PRLR: variants seen among roughly 807,000 people sequenced by gnomAD.
PRLR encodes the protein prolactin receptor, also known as hPRL receptor.
In PRLR, 13 loss-of-function variants were observed where a neutral mutation model predicts 40.2. The ratio of observed to expected loss-of-function variants is 0.32; its 90% CI spans 0.21 to 0.51. The LOEUF is 0.51. Ranked by LOEUF, PRLR falls within the 20% of genes least tolerant of loss-of-function variation. The pLI is 0.97. For missense variants in PRLR, 656 were observed against 747.3 expected, an observed-to-expected ratio of 0.88 and a Z score of 1.42; for synonymous variants, 269 against 278.7, an observed-to-expected ratio of 0.97 and a Z score of 0.35.
chr5:35,209,390 A>G (rs984008688), intron 1 of PRLR, among the ~76,000 whole-genome samples: 2 of 152,306 alleles, frequency 1.3e-5, no homozygotes, highest in Admixed American at 1.3e-4. Flanking sequence ...TCACTTATCA[A>G]AGAAATGACT....
chr5:35,065,344 C>T lies in PRLR; in HGVS notation c.1614G>A (p.Gly538=). ...CATACTCCTTATTGTTCTCAGGAGT[C>T]CCGGGCTTCTTGGGCTTGCCGCTGT... ...RENSGKPKKP[G]TPENNKEYAK... The change falls in exon 10 of 10, where the codon GGG becomes GGA. Residue 538 remains glycine (G), a synonymous_variant. Transcript: ENST00000618457. 2 of 1,614,136 alleles carry T rather than the reference C, an allele frequency of 1.2e-6. No homozygotes were observed. Among genetic ancestry groups the T allele is most frequent in the South Asian group, 1.1e-5 (1 of 91,072 alleles).
At chr5:35,208,449 C>T (rs1776079903) in intron 1 of PRLR, among the ~76,000 whole-genome samples, 1 of 152,106 alleles carries the variant, frequency 6.6e-6, no homozygotes, top group African/African-American at 2.4e-5. Context: ...TGTCTATCCC[C>T]TCATTAAATT....
chr5:35,118,798 T>C (rs1409327341), intron 1 of PRLR, among the ~76,000 whole-genome samples: 1 of 151,984 alleles, frequency 6.6e-6, no homozygotes, highest in East Asian at 1.9e-4. Context: ...TGGATCTTTT[T>C]TTTTTTTGAC....
intron 1 of PRLR, among the ~76,000 whole-genome samples, chr5:35,213,212 T>C (rs1776212105): frequency 6.6e-6 from 1 of 152,180 alleles, no homozygotes; most frequent in Admixed American, 6.5e-5. Flanking sequence ...AATACCATTG[T>C]GGGAAGTTTT....
At chr5:35,166,561 A>G (rs1299425466) in intron 1 of PRLR, among the ~76,000 whole-genome samples, 1 of 152,112 alleles carries the variant, frequency 6.6e-6, no homozygotes, top group Non-Finnish European at 1.5e-5. Flanking sequence ...GAGCCTTTGG[A>G]CTGATTTTGC....
chr5:35,184,309 T>C (rs772555193), intron 1 of PRLR, among the ~76,000 whole-genome samples: 18 of 151,842 alleles, frequency 1.2e-4, no homozygotes, highest in Non-Finnish European at 2.5e-4. Context: ...AGCTCAGGAG[T>C]TTGAGACCAG....
In PRLR at chr5:35,059,088, A is replaced by G. The variant is rs1768888587; in HGVS notation, c.*6001T>C. Reference sequence around the variant, plus strand: ...AGGATTTGTGAAGTGTGCACAAAAAAACTCAGACTACATTTTGAGGTTTAT... The same window carrying G: ...AGGATTTGTGAAGTGTGCACAAAAAGACTCAGACTACATTTTGAGGTTTAT... On this transcript the variant is annotated 3_prime_UTR_variant, in exon 10 of 10. Transcript: ENST00000618457. The G allele has an allele frequency of 6.6e-6, 1 of 152,198 alleles. No homozygotes were observed. Among genetic ancestry groups the G allele is most frequent in the African/African-American group, 2.4e-5 (1 of 41,452 alleles). 9.4% of individuals were successfully genotyped at this position (152,198 alleles called of 1,614,324 possible).
intron 1 of PRLR, among the ~76,000 whole-genome samples, chr5:35,155,592 C>T (rs188072503): frequency 3.9e-5 from 6 of 152,262 alleles, no homozygotes; most frequent in African/African-American, 1.2e-4. Context: ...TGGTTCTTAA[C>T]GATACCTGGG....
At chr5:35,115,578 C>T (rs748362334) in intron 2 of PRLR, among the ~76,000 whole-genome samples, 9 of 152,070 alleles carry the variant, frequency 5.9e-5, no homozygotes, top group Non-Finnish European at 1.3e-4. Context: ...TGGCTTCTTG[C>T]AGTCTGGAGA....
chr5:35,100,287 A>G (rs1771799311), intron 2 of PRLR, among the ~76,000 whole-genome samples: 1 of 152,112 alleles, frequency 6.6e-6, no homozygotes, highest in Non-Finnish European at 1.5e-5. Context: ...ATTTAAAAAA[A>G]ATTTGGTGTA....
At chr5:35,195,602 T>G (rs965126682) in intron 1 of PRLR, 1 of 150,736 alleles carries the variant, frequency 6.6e-6, no homozygotes, top group African/African-American at 2.5e-5. Flanking sequence ...GCTGGAGCCT[T>G]CCTCATCTTT....
In PRLR at chr5:35,062,476, G is replaced by A. The variant is rs1372993280; in HGVS notation, c.*2613C>T. ...TTAGACCACAAAAAAGCTTAATTCA[G>A]ATAAACAGTGCTAATTGATCATAGA... is the stretch of plus-strand genomic sequence containing the variant. On this transcript the variant is annotated 3_prime_UTR_variant, in exon 10 of 10. Transcript: ENST00000618457. The A allele has an allele frequency of 6.6e-6, 1 of 152,158 alleles. No homozygotes were observed. Among genetic ancestry groups the A allele is most frequent in the Admixed American group, 6.5e-5 (1 of 15,272 alleles). The allele number at this position is 152,158 out of a possible 1,614,324, so 9.4% of individuals were successfully genotyped here.
chr5:35,148,171 A>G (rs757554759), intron 1 of PRLR, among the ~76,000 whole-genome samples: 5 of 152,148 alleles, frequency 3.3e-5, no homozygotes, highest in Non-Finnish European at 7.4e-5. Flanking sequence ...TTTTAAAAAA[A>G]TTGCAGTTAT....
At position 35,086,326 on chromosome 5, in the gene PRLR, C is replaced by T. The variant is rs867929643; in HGVS notation, c.85G>A (p.Gly29Arg). Residue 29 changes from glycine to arginine, a missense_variant, in exon 4 of 10, where the codon GGA (glycine) becomes AGA (arginine). This residue lies in a region of PRLR where 180 missense variants were observed against 236.8 expected (regional missense o/e 0.76). Transcript: ENST00000618457. ...CGACATTTAAAGATCTCAGGTTTTC[C>T]AGGAGGTAACTGTCCTAGAAAAAGC... Reference protein sequence around the residue: ...TCLLNGQLPPGKPEIFKCRSP... With the variant: ...TCLLNGQLPPRKPEIFKCRSP... The T allele has an allele frequency of 6.2e-7, 1 of 1,613,388 alleles. No individual in the cohort carries two copies. The highest frequency in any genetic ancestry group is 1.3e-5 in the African/African-American group (1 of 74,838).
chr5:35,112,732 T>C (rs113921943), intron 2 of PRLR, among the ~76,000 whole-genome samples: 1 of 152,216 alleles, frequency 6.6e-6, no homozygotes, highest in Non-Finnish European at 1.5e-5. Flanking sequence ...TCACCTCTCA[T>C]GAACAATATG....
chr5:35,119,161 T>C lies in PRLR; in HGVS notation c.-105-1039A>G, dbSNP rs531161140. Among the ~76,000 whole-genome samples, 3 of 152,318 alleles carry C rather than the reference T, an allele frequency of 2.0e-5. No homozygotes were observed. In the East Asian group the frequency reaches 5.8e-4, roughly 29 times the overall value. On this transcript the variant is annotated intron_variant, in intron 1 of 9. Transcript: ENST00000618457. ...CAATTCATAATTTAATGTCCAGTTT[T>C]GTCTTGCCCATTCCAAGCAAAGGCA...
intron 5 of PRLR, among the ~76,000 whole-genome samples, chr5:35,079,446 T>TTCA (rs1770351065): frequency 6.6e-6 from 1 of 152,044 alleles, no homozygotes; most frequent in Non-Finnish European, 1.5e-5. Flanking sequence ...ATGAGTGAAC[T>TTCA]CCCATTCACA....
At chr5:35,184,466 G>C (rs554473652) in intron 1 of PRLR, among the ~76,000 whole-genome samples, 1 of 152,168 alleles carries the variant, frequency 6.6e-6, no homozygotes, top group Non-Finnish European at 1.5e-5. Context: ...GCAGTGAGCC[G>C]AGATTGAGCC....
chr5:35,097,984 A>G (rs1771636095), intron 2 of PRLR, among the ~76,000 whole-genome samples: 1 of 152,124 alleles, frequency 6.6e-6, no homozygotes, highest in African/African-American at 2.4e-5. Flanking sequence ...TGTATTTAGA[A>G]CTTAGATAGA....
Sources: allele counts gnomAD v4.1 joint callset (sites outside exome capture counted in the v4.1 genomes callset), GRCh38; gene constraint gnomAD v4.1.1; regional missense constraint gnomAD v4.1.1; transcripts MANE v1.5; gene names NCBI Gene and HGNC (gene_info 2026-07-23, HGNC 2026-07-21).